Variants in PRRC2C observed in about 807,000 individuals in gnomAD.
PRRC2C encodes the protein proline rich coiled-coil 2C.
PRRC2C carries 72 observed loss-of-function variants against 317.2 expected under a neutral mutation model. The ratio of observed to expected loss-of-function variants is 0.23; its 90% CI spans 0.19 to 0.28. The LOEUF is 0.28. Ranked by LOEUF, PRRC2C falls within the 10% of genes least tolerant of loss-of-function variation. The pLI, the probability that PRRC2C is intolerant of heterozygous loss-of-function variation, is 1.00. For synonymous variants in PRRC2C, 1,296 were observed against 1,205.9 expected (o/e 1.07, Z -1.55); for missense variants, 3,074 against 3,459.7 (o/e 0.89, Z 2.80).
At chr1:171,570,672 A>G (rs1684634905) in intron 23 of PRRC2C, among the ~76,000 whole-genome samples, 3 of 152,358 alleles carry the variant, frequency 2.0e-5, no homozygotes, top group Admixed American at 1.3e-4. Flanking sequence ...AATATTTGCC[A>G]TAATTATTAC....
chr1:171,557,318 G>T lies in PRRC2C; in HGVS notation c.5206G>T (p.Ala1736Ser), dbSNP rs1385280939. ...TCCTCCAAGATTTGCCAAAAAACAG[G>T]CTACAGGGATCCAGCAAGCACAGTC... ...KLPPRFAKKQATGIQQAQSSA... is the reference protein window; with the variant it reads ...KLPPRFAKKQSTGIQQAQSSA... Residue 1736 changes from alanine (A) to serine (S), a missense_variant, in exon 19 of 35, where the codon GCT becomes TCT. Ala to Ser is a moderately conservative substitution (Grantham distance 99). Around this residue, in one of 11 missense-constraint regions of PRRC2C, gnomAD observed 640 missense variants for 676.1 expected, o/e 0.95. Transcript: ENST00000647382. 2 of 1,551,836 alleles carry T rather than the reference G, an allele frequency of 1.3e-6. No homozygotes were observed. The highest frequency in any genetic ancestry group is 2.4e-5 in the East Asian group (1 of 40,932).
intron 11 of PRRC2C, 94 bp from the exon 12 acceptor site, chr1:171,532,249 A>T (rs910789917): frequency 1.1e-5 from 14 of 1,316,868 alleles, no homozygotes; most frequent in Non-Finnish European, 1.4e-5. Flanking sequence ...GAAATTTCTG[A>T]TATTTTTGTG....
chr1:171,546,415 A>G (rs1679126999), intron 17 of PRRC2C, among the ~76,000 whole-genome samples: 2 of 152,226 alleles, frequency 1.3e-5, no homozygotes, highest in South Asian at 4.1e-4. Context: ...AGTTGCAGTT[A>G]TTCTAGTATA....
intron 6 of PRRC2C, among the ~76,000 whole-genome samples, chr1:171,521,759 C>T (rs1429306945): frequency 2.0e-5 from 3 of 152,094 alleles, no homozygotes; most frequent in Admixed American, 6.6e-5. Context: ...TTCACTTTGC[C>T]GTTTGCTAGG....
At chr1:171,589,308 GTTTTTTT>G (rs11284338) in intron 33 of PRRC2C, 54 bp from the exon 34 acceptor site, 5 of 446,162 alleles carry the variant, frequency 1.1e-5, no homozygotes, top group Non-Finnish European at 1.4e-5. Flanking sequence ...CTAGTTGGCA[GTTTTTTT>G]TTTTTTTTTT....
At chr1:171,512,490 A>G in intron 2 of PRRC2C, 1 of 349,488 alleles carries the variant, frequency 2.9e-6, no homozygotes, top group Non-Finnish European at 5.6e-6. Flanking sequence ...TGAGATTGAT[A>G]GGCACAGACC....
intron 20 of PRRC2C, among the ~76,000 whole-genome samples, chr1:171,562,433 T>A (rs1337747756): frequency 6.6e-6 from 1 of 152,204 alleles, no homozygotes; most frequent in Non-Finnish European, 1.5e-5. Flanking sequence ...TTCTGGGTTG[T>A]CTGTGAAAAA....
At position 171,592,158 on chromosome 1, in the gene PRRC2C, T is replaced by A. The variant is rs1274764510; in HGVS notation, c.*311T>A. The A allele has an allele frequency of 1.6e-5, 4 of 247,876 alleles. No individual in the cohort carries two copies. Among genetic ancestry groups the A allele is most frequent in the Non-Finnish European group, 3.1e-5 (4 of 130,102 alleles). The allele number at this position is 247,876 out of a possible 1,614,324, so 15.4% of individuals were successfully genotyped here. ...GCATATAATTTAGACCTAAAAATCC[T>A]TATGATTAGATGAAACACCAAAAAT... On this transcript the variant is annotated 3_prime_UTR_variant, in exon 35 of 35. Transcript: ENST00000647382.
chr1:171,493,055 A>G (rs1369870910), intron 1 of PRRC2C, among the ~76,000 whole-genome samples: 1 of 151,894 alleles, frequency 6.6e-6, no homozygotes, highest in African/African-American at 2.4e-5. Context: ...TGGCCGGGGA[A>G]TTTAAATAAA....
intron 1 of PRRC2C, among the ~76,000 whole-genome samples, chr1:171,507,488 G>A (rs984355524): frequency 3.9e-5 from 6 of 152,072 alleles, no homozygotes; most frequent in East Asian, 3.9e-4. Context: ...GCAGACGCCC[G>A]TAGTCCCAAC....
At position 171,514,573 on chromosome 1, in the gene PRRC2C, G is replaced by A. The variant is rs1378230056; in HGVS notation, c.328G>A (p.Val110Ile). The change falls in exon 4 of 35, where the codon GTT becomes ATT. Residue 110 changes from valine to isoleucine, a missense_variant. This residue lies in a region of PRRC2C where 237 missense variants were observed against 199.5 expected (regional missense o/e 1.19). Transcript: ENST00000647382. ...EVPPAQPKPG[V>I]AAPPEVAPAP... The stretch of plus-strand genomic sequence containing the variant: ...GCCACCAGCACAGCCAAAACCTGGG[G>A]TTGCAGCTCCCCCAGAAGTAGCACC... 6.4e-7 allele frequency: 1 copy of A among 1,560,032 alleles called. No individual in the cohort carries two copies. Among genetic ancestry groups the A allele is most frequent in the Admixed American group, 1.9e-5 (1 of 52,022 alleles).
At chr1:171,509,844 CTTTTTTTTTTT>C (rs11363110) in intron 1 of PRRC2C, 3 of 59,768 alleles carry the variant, frequency 5.0e-5, no homozygotes, top group South Asian at 1.0e-3. Context: ...AACATTGTTT[CTTTTTTTTTTT>C]TTTTTTTTTT....
chr1:171,575,727 TAAAG>T (rs1685589080), intron 25 of PRRC2C, among the ~76,000 whole-genome samples: 1 of 152,196 alleles, frequency 6.6e-6, no homozygotes, highest in Admixed American at 6.5e-5. Flanking sequence ...TTACGGTTCT[TAAAG>T]AAACACAGAT....
intron 15 of PRRC2C, 34 bp downstream of exon 15, chr1:171,537,507 G>T (rs767139566): frequency 6.6e-6 from 10 of 1,516,388 alleles, no homozygotes; most frequent in Admixed American, 2.0e-5. Context: ...AGATGATACA[G>T]AATATTTTGG....
intron 1 of PRRC2C, among the ~76,000 whole-genome samples, chr1:171,499,974 C>T (rs1668789897): frequency 6.6e-6 from 1 of 152,118 alleles, no homozygotes; most frequent in African/African-American, 2.4e-5. Context: ...ACATTATTTC[C>T]TGATTTACAA....
rs1677699601 is a variant in PRRC2C at position 171,540,155 on chromosome 1, T to G, written c.2689T>G (p.Cys897Gly). The G allele has an allele frequency of 3.1e-6, 5 of 1,613,802 alleles. No individual in the cohort carries two copies. Among genetic ancestry groups the G allele is most frequent in the Non-Finnish European group, 4.2e-6 (5 of 1,179,860 alleles). Residue 897 changes from cysteine to glycine, a missense_variant, in exon 16 of 35, where the codon TGT becomes GGT. Coordinates refer to ENST00000647382, the MANE Select transcript of PRRC2C (RefSeq NM_001387844.1). ...HHTDANNQSA[C>G]FEAPDQKTLS... ...TACTGATGCAAATAATCAGTCTGCT[T>G]GTTTTGAAGCACCTGATCAAAAGAC... is the stretch of plus-strand genomic sequence containing the variant.
chr1:171,486,947 G>A (rs1158392550), intron 1 of PRRC2C, among the ~76,000 whole-genome samples: 7 of 152,082 alleles, frequency 4.6e-5, no homozygotes. Context: ...ATCTTTTCTG[G>A]CTCACCCCAA....
At chr1:171,510,594 T>C (rs1671183268) in intron 1 of PRRC2C, 3 of 152,188 alleles carry the variant, frequency 2.0e-5, no homozygotes, top group Admixed American at 2.0e-4. Flanking sequence ...TCATCATCAT[T>C]AGCGGTCTTG....
At chr1:171,554,499 A>T (rs1557989651) in intron 18 of PRRC2C, among the ~76,000 whole-genome samples, 1 of 152,124 alleles carries the variant, frequency 6.6e-6, no homozygotes, top group Non-Finnish European at 1.5e-5. Flanking sequence ...TGTGAATTTG[A>T]TCCTGTCATT....
Sources: allele counts gnomAD v4.1 joint callset (sites outside exome capture counted in the v4.1 genomes callset), GRCh38; gene constraint gnomAD v4.1.1; regional missense constraint gnomAD v4.1.1; transcripts MANE v1.5; gene names NCBI Gene and HGNC (gene_info 2026-07-23, HGNC 2026-07-21).